Variants in STAG2 observed in about 807,000 individuals in gnomAD.
STAG2 encodes STAG2 cohesin complex component, also known as cohesin subunit SA-2.
A neutral mutation model predicts 108.1 loss-of-function variants in STAG2; 14 were observed. That is an observed-to-expected ratio of 0.13 (90% CI 0.09 to 0.20). STAG2 has a LOEUF of 0.20. Ranked by LOEUF, STAG2 falls within the 10% of genes least tolerant of loss-of-function variation. The pLI, the probability that STAG2 is intolerant of heterozygous loss-of-function variation, is 1.00. For synonymous variants in STAG2, 307 were observed against 302.7 expected, an observed-to-expected ratio of 1.01 and a Z score of -0.15; for missense variants, 440 against 940.9, an observed-to-expected ratio of 0.47 and a Z score of 6.96.
intron 1 of STAG2, among the ~76,000 whole-genome samples, chrX:123,992,229 GTAAGT>G (rs1181239664): frequency 1.8e-5 from 2 of 111,252 alleles, no homozygotes; most frequent in Non-Finnish European, 3.8e-5. Flanking sequence ...GCACTCCAAA[GTAAGT>G]TGCAGACATT....
At chrX:123,972,563 G>A (rs1379736139) in intron 1 of STAG2, among the ~76,000 whole-genome samples, 1 of 109,613 alleles carries the variant, frequency 9.1e-6, no homozygotes, top group Non-Finnish European at 1.9e-5. Flanking sequence ...GAGCCACCGC[G>A]CCCGGCCAAT....
At chrX:124,077,796 A>C in intron 26 of STAG2, among the ~76,000 whole-genome samples, 161 bp from the exon 27 acceptor site, 1 of 112,005 alleles carries the variant, frequency 8.9e-6, no homozygotes, top group Non-Finnish European at 1.9e-5. Context: ...GTATGCTTAG[A>C]AATGATCTTT....
At chrX:124,026,587 T>C in intron 4 of STAG2, 1 of 275,348 alleles carries the variant, frequency 3.6e-6, no homozygotes, top group Non-Finnish European at 7.5e-6. Flanking sequence ...AAAATGAATT[T>C]TGGATTTATA....
In STAG2 at chrX:124,047,032, G is replaced by T. The variant is rs1296212639; in HGVS notation, c.668-322G>T. ...AATAATGGGATTTAAGGATAGACTGGAGTCAGATTGCCTTGGTTTGAATCC... is the reference window on the plus strand; with the variant it reads ...AATAATGGGATTTAAGGATAGACTGTAGTCAGATTGCCTTGGTTTGAATCC... On this transcript the variant is annotated intron_variant, in intron 8 of 34. Transcript: ENST00000371145. Among the ~76,000 whole-genome samples, 6 of 111,206 alleles carry T rather than the reference G, an allele frequency of 5.4e-5. No homozygotes were observed. In the East Asian group the frequency reaches 1.4e-3, roughly 26 times the overall value.
intron 28 of STAG2, among the ~76,000 whole-genome samples, chrX:124,083,017 G>A (rs5956609): frequency 0.23 from 25,535 of 110,256 alleles, 2,182 homozygotes; most frequent in South Asian, 0.39. Flanking sequence ...TATTACAAAT[G>A]TTTGTGAATT....
At chrX:124,081,105 A>G (rs1374608145) in intron 27 of STAG2, among the ~76,000 whole-genome samples, 1 of 110,267 alleles carries the variant, frequency 9.1e-6, no homozygotes, top group Non-Finnish European at 1.9e-5. Flanking sequence ...TTTCCCCTTT[A>G]TATTTTTATA....
At chrX:124,053,343 A>G (rs962964563) in intron 13 of STAG2, among the ~76,000 whole-genome samples, 1 of 112,156 alleles carries the variant, frequency 8.9e-6, no homozygotes, top group Non-Finnish European at 1.9e-5. Context: ...ACTAAGGGAC[A>G]TAAAAGAAGG....
intron 30 of STAG2, among the ~76,000 whole-genome samples, chrX:124,089,071 G>A (rs1338398999): frequency 7.4e-5 from 8 of 108,019 alleles, no homozygotes; most frequent in Non-Finnish European, 1.3e-4. Context: ...GCCCGCCACC[G>A]CACCTGGCTA....
intron 2 of STAG2, among the ~76,000 whole-genome samples, chrX:124,021,862 A>G (rs1338864808): frequency 9.0e-6 from 1 of 110,753 alleles, no homozygotes; most frequent in Non-Finnish European, 1.9e-5. Flanking sequence ...AAAAGGTTGT[A>G]TTTTCAGGCA....
upstream of STAG2, chrX:123,960,631 A>G (rs2053805100): frequency 9.6e-6 from 1 of 104,389 alleles, no homozygotes; most frequent in Non-Finnish European, 1.9e-5. Flanking sequence ...AAAAAAAAAA[A>G]AAAAAAAAAA....
intron 1 of STAG2, among the ~76,000 whole-genome samples, chrX:123,969,967 T>TG (rs1376358493): frequency 5.9e-5 from 6 of 102,216 alleles, no homozygotes; most frequent in Non-Finnish European, 7.9e-5. Context: ...TTTTTTTTTT[T>TG]TTTTTTTTTT....
At chrX:124,053,288 TAAG>T (rs1206537220) in intron 13 of STAG2, among the ~76,000 whole-genome samples, 1 of 111,925 alleles carries the variant, frequency 8.9e-6, no homozygotes, top group Non-Finnish European at 1.9e-5. Context: ...TACCTAGAAA[TAAG>T]AAATCCACCA....
intron 1 of STAG2, among the ~76,000 whole-genome samples, chrX:123,962,840 C>G: frequency 9.0e-6 from 1 of 110,948 alleles, no homozygotes; most frequent in Non-Finnish European, 1.9e-5. Flanking sequence ...AGTGTAAATT[C>G]CATACCCCTT....
chrX:124,041,427 G>A (rs995176169), intron 6 of STAG2, among the ~76,000 whole-genome samples: 3 of 109,307 alleles, frequency 2.7e-5, no homozygotes, highest in Admixed American at 2.0e-4. Context: ...ACACAGGCGC[G>A]CGCACACACA....
In STAG2 at chrX:124,101,110, A is replaced by C. The variant is rs1259341212; in HGVS notation, c.*513A>C. On this transcript the variant is annotated 3_prime_UTR_variant, in exon 35 of 35. Coordinates refer to ENST00000371145, the MANE Select transcript of STAG2 (RefSeq NM_001042750.2). ...TAAATGCTTAAAACGTCAATCAACA[A>C]AACTTTGTTTTAAATATTGTAATTG... The C allele has an allele frequency of 6.8e-6, 1 of 147,933 alleles. No individual in the cohort carries two copies. The highest frequency in any genetic ancestry group is 3.1e-5 in the African/African-American group (1 of 32,453). The allele number at this position is 147,933 out of a possible 1,213,427, so 12.2% of individuals were successfully genotyped here.
In STAG2 at chrX:124,081,533, T is replaced by A. The variant is rs1230977778; in HGVS notation, c.2924+5T>A. On this transcript the variant is annotated splice_donor_5th_base_variant and intron_variant, in intron 28 of 34. Coordinates refer to ENST00000371145, the MANE Select transcript of STAG2 (RefSeq NM_001042750.2). ...AGCCATTGCCATGCTACACAAGTAA[T>A]CTCCAGATATTTTATTCAGCTCTCA... 4.4e-6 allele frequency: 5 copies of A among 1,146,702 alleles called. No homozygotes were observed. The highest frequency in any genetic ancestry group is 5.8e-6 in the Non-Finnish European group (5 of 862,562). The allele number at this position is 1,146,702 out of a possible 1,213,427, so 94.5% of individuals were successfully genotyped here. A position where few individuals can be genotyped will look rare whatever the true frequency, so the allele number is the denominator to read the frequency against.
chrX:124,013,682 G>C (rs1363295205), intron 1 of STAG2, among the ~76,000 whole-genome samples: 1 of 110,188 alleles, frequency 9.1e-6, no homozygotes, highest in Non-Finnish European at 1.9e-5. Flanking sequence ...TGGTCAGACA[G>C]ATGAGAGGAC....
intron 5 of STAG2, among the ~76,000 whole-genome samples, chrX:124,032,633 G>A (rs1176309766): frequency 1.8e-5 from 2 of 110,943 alleles, no homozygotes; most frequent in Non-Finnish European, 3.8e-5. Context: ...TTCCACATTT[G>A]TGTCCACATG....
intron 1 of STAG2, among the ~76,000 whole-genome samples, chrX:123,971,104 G>C (rs2054332752): frequency 8.9e-6 from 1 of 111,855 alleles, no homozygotes; most frequent in Non-Finnish European, 1.9e-5. Flanking sequence ...CAAATAACTT[G>C]CCCACTTAGT....
Sources: allele counts gnomAD v4.1 joint callset (sites outside exome capture counted in the v4.1 genomes callset), GRCh38; gene constraint gnomAD v4.1.1; transcripts MANE v1.5; gene names NCBI Gene and HGNC (gene_info 2026-07-23, HGNC 2026-07-21).